IL12A: variants seen among roughly 807,000 people sequenced by gnomAD.
IL12A encodes the protein interleukin-12 subunit alpha.
IL12A carries 16 observed loss-of-function variants against 23.5 expected under a neutral mutation model. The observed-to-expected ratio is 0.68, with a 90% CI of 0.46 to 1.03. IL12A has a LOEUF of 1.03. IL12A is among the 50% of genes least tolerant of loss of function. The pLI is 0.00. For missense variants in IL12A, 275 were observed against 307.0 expected (o/e 0.90, Z 0.78); for synonymous variants, 106 against 111.5 (o/e 0.95, Z 0.31).
At position 159,988,987 on chromosome 3, in the gene IL12A, C is replaced by T. The variant is rs1270737855; in HGVS notation, c.-70C>T. On this transcript the variant is annotated 5_prime_UTR_variant, in exon 1 of 7. Coordinates refer to ENST00000305579, the MANE Select transcript of IL12A (RefSeq NM_000882.4). ...CGAGAAGCTGATGTAGAGAGAGACA[C>T]AGAAGGAGACAGAAAGCAAGAGACC... 2.8e-5 allele frequency: 35 copies of T among 1,245,860 alleles called. No individual in the cohort carries two copies. The Admixed American group carries it at 5.9e-4, about 21-fold the overall frequency. The allele number at this position is 1,245,860 out of a possible 1,614,324, so 77.2% of individuals were successfully genotyped here. A position where few individuals can be genotyped will look rare whatever the true frequency, so the allele number is the denominator to read the frequency against.
In IL12A at chr3:159,988,874, C is replaced by G. The variant is rs1269691976; in HGVS notation, c.-183C>G. On this transcript the variant is annotated 5_prime_UTR_variant, in exon 1 of 7. Transcript: ENST00000305579. Reference sequence around the variant, plus strand: ...TTGGGCCGAGCTGGAGGCGGCGGGGCCGTCCCGGAACGGCTGCGGCCGGGC... The same window carrying G: ...TTGGGCCGAGCTGGAGGCGGCGGGGGCGTCCCGGAACGGCTGCGGCCGGGC... The G allele has an allele frequency of 3.4e-6, 2 of 595,392 alleles. No individual in the cohort carries two copies. The highest frequency in any genetic ancestry group is 3.8e-5 in the African/African-American group (2 of 52,126). 36.9% of individuals were successfully genotyped at this position (595,392 alleles called of 1,614,324 possible). A position where few individuals can be genotyped will look rare whatever the true frequency, so the allele number is the denominator to read the frequency against.
chr3:159,990,377 T>C (rs1577556437), intron 2 of IL12A, 65 bp downstream of exon 2: 1 of 1,504,194 alleles, frequency 6.6e-7, no homozygotes, highest in Non-Finnish European at 9.2e-7. Context: ...CCTCTGATCC[T>C]CCCCTCTGGT....
Position 159,990,501 on chromosome 3 carries a change from A to G in IL12A, c.264+189A>G, listed in dbSNP as rs1039540847. On this transcript the variant is annotated intron_variant, in intron 2 of 6. Transcript: ENST00000305579. ...AGAGTCCTAGTGAAATTGTGTCTCC[A>G]GAGAAAGCAAGAGTAGTAATAAATT... is the stretch of plus-strand genomic sequence containing the variant. 3.3e-5 allele frequency among the ~76,000 whole-genome samples: 5 copies of G among 152,220 alleles called. No homozygotes were observed. The East Asian group carries it at 7.7e-4, about 23-fold the overall frequency.
chr3:159,992,282 C>T lies in IL12A; in HGVS notation c.265-730C>T, dbSNP rs117481767. 1.4e-4 allele frequency among the ~76,000 whole-genome samples: 21 copies of T among 152,314 alleles called. No homozygotes were observed. In the East Asian group the frequency reaches 3.9e-3, roughly 28 times the overall value. On this transcript the variant is annotated intron_variant, in intron 2 of 6. Coordinates refer to ENST00000305579, the MANE Select transcript of IL12A (RefSeq NM_000882.4). ...TTCATGCCCTTCTCACCATGTCTCA[C>T]CTACTGATGCCTCCTGGTCATTTGG...
At chr3:159,989,482 A>T (rs1720225388) in intron 1 of IL12A, among the ~76,000 whole-genome samples, 1 of 152,206 alleles carries the variant, frequency 6.6e-6, no homozygotes, top group Admixed American at 6.5e-5. Context: ...GATCCTAGCC[A>T]GTTCTAAAGT....
Position 159,995,013 on chromosome 3 carries a change from G to A in IL12A, c.607-391G>A, listed in dbSNP as rs185600827. ...AGTAAACAGGCCTGTTACTGATAGT[G>A]AGTTCTGATCAATAGCAATCCATCA... On this transcript the variant is annotated intron_variant, in intron 6 of 6. Coordinates refer to ENST00000305579, the MANE Select transcript of IL12A (RefSeq NM_000882.4). Among the ~76,000 whole-genome samples, 859 of 152,310 alleles carry A rather than the reference G, an allele frequency of 5.6e-3. 4 individuals carry two copies. Among genetic ancestry groups the A allele is most frequent in the Non-Finnish European group, 8.5e-3 (576 of 68,030 alleles).
At chr3:159,993,310 TACACTTA>T in intron 3 of IL12A, 134 bp from the exon 4 acceptor site, 1 of 754,658 alleles carries the variant, frequency 1.3e-6, no homozygotes, top group Non-Finnish European at 2.2e-6. Flanking sequence ...ACAATGTGAA[TACACTTA>T]ACACTTAAAA....
At position 159,988,987 on chromosome 3, in the gene IL12A, CAGA is replaced by C. The variant is rs1720199075; in HGVS notation, c.-67_-65del. The stretch of plus-strand genomic sequence containing the variant: ...CGAGAAGCTGATGTAGAGAGAGACA[CAGA>C]AGGAGACAGAAAGCAAGAGACCAGA... On this transcript the variant is annotated 5_prime_UTR_variant, in exon 1 of 7. Transcript: ENST00000305579. 4.0e-6 allele frequency: 5 copies of C among 1,245,740 alleles called. No homozygotes were observed. The highest frequency in any genetic ancestry group is 1.7e-5 in the Admixed American group (1 of 58,956). 77.2% of individuals were successfully genotyped at this position (1,245,740 alleles called of 1,614,324 possible). A position where few individuals can be genotyped will look rare whatever the true frequency, so the allele number is the denominator to read the frequency against.
At chr3:159,993,154 C>T in intron 3 of IL12A, 29 bp downstream of exon 3, 1 of 1,220,142 alleles carries the variant, frequency 8.2e-7, no homozygotes, top group Non-Finnish European at 1.2e-6. Context: ...CCAGAGCATG[C>T]AGTGTGGTTA....
Position 159,988,837 on chromosome 3 carries a change from T to C in IL12A, c.-220T>C, listed in dbSNP as rs1371691475. The C allele has an allele frequency of 5.3e-6, 3 of 570,202 alleles. No individual in the cohort carries two copies. The highest frequency in any genetic ancestry group is 9.3e-6 in the Non-Finnish European group (3 of 322,252). 35.3% of individuals were successfully genotyped at this position (570,202 alleles called of 1,614,324 possible). On this transcript the variant is annotated 5_prime_UTR_variant, in exon 1 of 7. Coordinates refer to ENST00000305579, the MANE Select transcript of IL12A (RefSeq NM_000882.4). ...GACCCCGCGCAGTAACTGCGAACAT[T>C]TCGCTTTCATTTTGGGCCGAGCTGG...
chr3:159,991,315 C>G (rs1330781101), intron 2 of IL12A, among the ~76,000 whole-genome samples: 2 of 152,144 alleles, frequency 1.3e-5, no homozygotes, highest in African/African-American at 4.8e-5. Context: ...CATCATTTGT[C>G]AAATTTGCTG....
chr3:159,990,407 A>C, intron 2 of IL12A, 95 bp downstream of exon 2: 1 of 1,312,500 alleles, frequency 7.6e-7, no homozygotes, highest in Non-Finnish European at 1.1e-6. Flanking sequence ...AACTGCAGAG[A>C]AATTGTGGAA....
rs201787657 is a variant in IL12A, at chr3:159,989,203, C to G, written c.118+29C>G. 479 of 1,578,854 alleles carry G rather than the reference C, an allele frequency of 3.0e-4. 1 individual carries two copies. The African/African-American group carries it at 5.5e-3, about 18-fold the overall frequency. ...AGTACTCAGCCCGCCAGGTCTTTGG[C>G]TCGCTCGGGTGCGGAGGGGCGGCTG... On this transcript the variant is annotated intron_variant, in intron 1 of 6. Coordinates refer to ENST00000305579, the MANE Select transcript of IL12A (RefSeq NM_000882.4).
intron 6 of IL12A, chr3:159,994,355 A>G (rs1372682185): frequency 6.5e-6 from 1 of 154,712 alleles, no homozygotes; most frequent in African/African-American, 2.4e-5. Context: ...TGTGAACCAA[A>G]ATGTGAACCA....
intron 6 of IL12A, among the ~76,000 whole-genome samples, chr3:159,994,582 G>GTT (rs1553809866): frequency 2.7e-5 from 3 of 112,146 alleles, no homozygotes; most frequent in Non-Finnish European, 5.3e-5. Context: ...TTCTTTTCGT[G>GTT]TGTGTGTGTG....
At chr3:159,991,261 T>C (rs1720298188) in intron 2 of IL12A, among the ~76,000 whole-genome samples, 1 of 152,198 alleles carries the variant, frequency 6.6e-6, no homozygotes, top group Admixed American at 6.5e-5. Context: ...CCAGATATAG[T>C]CCTAAGGGTC....
At chr3:159,989,208 TCGGGTG>T in intron 1 of IL12A, 34 bp downstream of exon 1, 3 of 1,568,696 alleles carry the variant, frequency 1.9e-6, no homozygotes, top group Non-Finnish European at 2.6e-6. Flanking sequence ...TTTGGCTCGC[TCGGGTG>T]CGGAGGGGCG....
intron 6 of IL12A, among the ~76,000 whole-genome samples, chr3:159,994,837 C>T (rs1421445003): frequency 6.6e-6 from 1 of 152,136 alleles, no homozygotes; most frequent in Non-Finnish European, 1.5e-5. Flanking sequence ...TGACTTTATT[C>T]TAGCTTTCTT....
At chr3:159,992,919 C>G (rs1577558534) in intron 2 of IL12A, 93 bp from the exon 3 acceptor site, 2 of 680,626 alleles carry the variant, frequency 2.9e-6, no homozygotes, top group Admixed American at 5.1e-5. Flanking sequence ...GGCAGCCAGC[C>G]GGAGCCTTCC....
Sources: allele counts gnomAD v4.1 joint callset (sites outside exome capture counted in the v4.1 genomes callset), GRCh38; gene constraint gnomAD v4.1.1; transcripts MANE v1.5; gene names NCBI Gene and HGNC (gene_info 2026-07-23, HGNC 2026-07-21).